The following EYA3 variants were observed in gnomAD, a reference collection of about 807,000 sequenced individuals.
The protein encoded by EYA3 is protein phosphatase EYA3.
A neutral mutation model predicts 80.0 loss-of-function variants in EYA3; 39 were observed. The observed-to-expected ratio is 0.49, with a 90% CI of 0.38 to 0.64. The LOEUF is 0.64. Ranked by LOEUF, EYA3 falls within the 30% of genes least tolerant of loss-of-function variation. The pLI is 0.00. For missense variants in EYA3, 523 were observed against 676.1 expected (o/e 0.77, Z 2.51); for synonymous variants, 206 against 232.8 (o/e 0.88, Z 1.05).
intron 16 of EYA3, among the ~76,000 whole-genome samples, chr1:27,982,892 G>T (rs565652143): frequency 6.6e-6 from 1 of 152,126 alleles, no homozygotes; most frequent in Non-Finnish European, 1.5e-5. Flanking sequence ...ATCCTTATGA[G>T]TATATGTAAT....
chr1:28,047,295 G>C (rs1644047721), intron 3 of EYA3, among the ~76,000 whole-genome samples: 2 of 152,078 alleles, frequency 1.3e-5, no homozygotes, highest in South Asian at 4.1e-4. Context: ...ACCACGCCGA[G>C]CTAATTTTTG....
At chr1:28,001,553 C>T (rs931378795) in intron 11 of EYA3, among the ~76,000 whole-genome samples, 1 of 149,248 alleles carries the variant, frequency 6.7e-6, no homozygotes, top group Non-Finnish European at 1.5e-5. Context: ...TCAAGACCAT[C>T]CTGGCTAACG....
At chr1:28,015,161 T>C (rs1239139603) in intron 8 of EYA3, among the ~76,000 whole-genome samples, 2 of 152,148 alleles carry the variant, frequency 1.3e-5, no homozygotes, top group African/African-American at 4.8e-5. Context: ...ATGACTGAAA[T>C]ACAGAACAGA....
chr1:28,079,289 G>A (rs950461944), intron 1 of EYA3, among the ~76,000 whole-genome samples: 1 of 152,144 alleles, frequency 6.6e-6, no homozygotes, highest in Non-Finnish European at 1.5e-5. Context: ...GTGATTACAG[G>A]AAACGAATTG....
At chr1:28,075,436 G>C (rs1181905977) in intron 1 of EYA3, among the ~76,000 whole-genome samples, 5 of 152,170 alleles carry the variant, frequency 3.3e-5, no homozygotes, top group Non-Finnish European at 5.9e-5. Context: ...TGAGCTTCAA[G>C]TCAGGTCAAA....
At chr1:27,986,839 A>G (rs1256375764) in intron 16 of EYA3, among the ~76,000 whole-genome samples, 1 of 152,148 alleles carries the variant, frequency 6.6e-6, no homozygotes, top group Non-Finnish European at 1.5e-5. Context: ...AGTAGCTAGG[A>G]CTGCAGGCGA....
intron 9 of EYA3, among the ~76,000 whole-genome samples, chr1:28,012,155 A>G (rs1428824104): frequency 3.3e-5 from 5 of 152,190 alleles, no homozygotes; most frequent in Non-Finnish European, 5.9e-5. Flanking sequence ...GTATAGCTGA[A>G]ACAAAATTGT....
At chr1:28,006,313 T>C (rs1253238204) in intron 10 of EYA3, among the ~76,000 whole-genome samples, 1 of 152,158 alleles carries the variant, frequency 6.6e-6, no homozygotes, top group Admixed American at 6.5e-5. Flanking sequence ...GAAAATGCAT[T>C]TGACAACATT....
intron 5 of EYA3, among the ~76,000 whole-genome samples, chr1:28,036,123 C>T (rs908274942): frequency 6.6e-6 from 1 of 152,154 alleles, no homozygotes; most frequent in African/African-American, 2.4e-5. Context: ...CCTAAAATGG[C>T]TCTTATGATC....
rs112763988 is a variant in EYA3, at chr1:28,035,472, T to C, written c.361+72A>G. 1.9e-3 allele frequency: 2,933 copies of C among 1,552,658 alleles called. 7 individuals are homozygous for C. Among genetic ancestry groups the C allele is most frequent in the African/African-American group, 4.6e-3 (338 of 73,602 alleles). On this transcript the variant is annotated intron_variant, in intron 6 of 17. Transcript: ENST00000373871. ...TAACTAAGTGCTTTGTAAAGAATGATGCATGGCTGATCAAAGTTTCTGCGG... is the reference window on the plus strand; with the variant it reads ...TAACTAAGTGCTTTGTAAAGAATGACGCATGGCTGATCAAAGTTTCTGCGG...
At chr1:27,980,165 C>T (rs1389403345) in intron 16 of EYA3, among the ~76,000 whole-genome samples, 1 of 152,212 alleles carries the variant, frequency 6.6e-6, no homozygotes, top group Non-Finnish European at 1.5e-5. Flanking sequence ...ATTAATCTCA[C>T]AAATGATTCA....
chr1:28,013,004 A>T lies in EYA3; in HGVS notation c.769+107T>A. 8.1e-7 allele frequency: 1 copy of T among 1,233,666 alleles called. No homozygotes were observed. Among genetic ancestry groups the T allele is most frequent in the Admixed American group, 2.2e-5 (1 of 44,746 alleles). 76.4% of individuals were successfully genotyped at this position (1,233,666 alleles called of 1,614,324 possible). A position where few individuals can be genotyped will look rare whatever the true frequency, so the allele number is the denominator to read the frequency against. Reference sequence around the variant, plus strand: ...TCACCTCAGAGGGAAAGCCAAAAGCATGGTAACAATGACTTAAGACAGAAC... The same window carrying T: ...TCACCTCAGAGGGAAAGCCAAAAGCTTGGTAACAATGACTTAAGACAGAAC... On this transcript the variant is annotated intron_variant, in intron 9 of 17. Transcript: ENST00000373871. This position sits in a 1 kb window ranked among gnomAD's most constrained non-coding sequence, Gnocchi z 4.0.
chr1:28,042,524 T>C (rs745933329), intron 4 of EYA3, 47 bp downstream of exon 4: 1 of 1,502,846 alleles, frequency 6.7e-7, no homozygotes, highest in Non-Finnish European at 9.2e-7. Context: ...AAAGCATTAC[T>C]AGTTATAGGA....
intron 5 of EYA3, among the ~76,000 whole-genome samples, chr1:28,038,439 T>TAAAAAAAAAAAAAAA (rs74525723): frequency 4.8e-4 from 33 of 68,480 alleles, no homozygotes; most frequent in African/African-American, 1.8e-3. Flanking sequence ...GATTCTATCT[T>TAAAAAAAAAAAAAAA]AAAAAAAAAA....
At chr1:28,069,704 C>T (rs546686963) in intron 1 of EYA3, among the ~76,000 whole-genome samples, 2 of 152,104 alleles carry the variant, frequency 1.3e-5, no homozygotes, top group Non-Finnish European at 1.5e-5. Context: ...CATATACACA[C>T]AGTTATCATG....
chr1:28,048,887 A>G (rs1644134223), intron 2 of EYA3, among the ~76,000 whole-genome samples: 1 of 152,200 alleles, frequency 6.6e-6, no homozygotes, highest in South Asian at 2.1e-4. Flanking sequence ...AATTTAGAAA[A>G]TATTGTTAAC....
intron 1 of EYA3, among the ~76,000 whole-genome samples, chr1:28,060,571 CCTT>C (rs1221985505): frequency 1.3e-5 from 2 of 152,124 alleles, no homozygotes; most frequent in African/African-American, 4.8e-5. Flanking sequence ...TGCAAGAAAA[CCTT>C]CTTTAAGGGA....
At chr1:28,076,928 G>A (rs1645234654) in intron 1 of EYA3, among the ~76,000 whole-genome samples, 1 of 149,146 alleles carries the variant, frequency 6.7e-6, no homozygotes, top group African/African-American at 2.5e-5. Context: ...TTTTAATAGA[G>A]ACGGGGTTCT....
intron 16 of EYA3, among the ~76,000 whole-genome samples, chr1:27,986,256 T>C (rs1011877701): frequency 6.6e-6 from 1 of 151,700 alleles, no homozygotes; most frequent in Admixed American, 6.6e-5. Context: ...TCTCAGCTAC[T>C]TGGGACGCTG....
Sources: allele counts gnomAD v4.1 joint callset (sites outside exome capture counted in the v4.1 genomes callset), GRCh38; gene constraint gnomAD v4.1.1; non-coding constraint Gnocchi (gnomAD v3.1); transcripts MANE v1.5; gene names NCBI Gene and HGNC (gene_info 2026-07-23, HGNC 2026-07-21).